TACC2: variants seen among roughly 807,000 people sequenced by gnomAD.
The protein encoded by TACC2 is transforming acidic coiled-coil-containing protein 2.
TACC2 carries 137 observed loss-of-function variants against 227.3 expected under a neutral mutation model. That is an observed-to-expected ratio of 0.60 (90% CI 0.52 to 0.69). The LOEUF (loss-of-function observed/expected upper bound fraction) is 0.69, where lower values mean the gene tolerates loss of function less well. Ranked by LOEUF, TACC2 falls within the 30% of genes least tolerant of loss-of-function variation. The probability of loss-of-function intolerance (pLI) is 0.00; values close to 1 mark genes in which losing one functional copy is unlikely to be tolerated. For missense variants in TACC2, 3,470 were observed against 3,694.4 expected, an observed-to-expected ratio of 0.94 and a Z score of 1.57; for synonymous variants, 1,523 against 1,487.5, an observed-to-expected ratio of 1.02 and a Z score of -0.55.
chr10:122,051,527 A>T (rs1270517797), intron 3 of TACC2: 1 of 151,960 alleles, frequency 6.6e-6, no homozygotes, highest in Non-Finnish European at 1.5e-5. Flanking sequence ...CGCTGGGGGC[A>T]CTTAATAACT....
chr10:122,022,132 T>A (rs1325244583), intron 2 of TACC2, 118 bp downstream of exon 2: 1 of 974,088 alleles, frequency 1.0e-6, no homozygotes, highest in Non-Finnish European at 1.6e-6. Flanking sequence ...AGCTTCTGCG[T>A]AGATGTGTGC....
intron 3 of TACC2, among the ~76,000 whole-genome samples, chr10:122,059,047 T>C (rs9794179): frequency 0.2 from 28,832 of 140,704 alleles, 2,976 homozygotes; most frequent in East Asian, 0.36. Context: ...CGCCTGCCAC[T>C]ACGCCTGGCT....
At chr10:122,249,689 C>T (rs1434930773) in intron 22 of TACC2, 25 bp downstream of exon 22, 4 of 1,600,300 alleles carry the variant, frequency 2.5e-6, no homozygotes, top group East Asian at 2.2e-5. Context: ...GTGTGGCCTC[C>T]AGGTGGGCCG....
intron 6 of TACC2, among the ~76,000 whole-genome samples, chr10:122,136,855 A>C (rs921552037): frequency 6.6e-6 from 1 of 152,084 alleles, no homozygotes; most frequent in African/African-American, 2.4e-5. Flanking sequence ...AACCCAGCAG[A>C]ATTTTTTTTA....
chr10:122,022,030 C>G lies in TACC2; in HGVS notation c.33+16C>G. 1.2e-6 allele frequency: 2 copies of G among 1,614,018 alleles called. No homozygotes were observed. The highest frequency in any genetic ancestry group is 2.7e-5 in the African/African-American group (2 of 75,020). On this transcript the variant is annotated intron_variant, in intron 2 of 22. Coordinates refer to ENST00000369005, the MANE Select transcript of TACC2 (RefSeq NM_206862.4). ...GGACAACCAGGTGGGTGTCAGGAAG[C>G]TTCTCTCTCGAGCTACGTGGTGCTC...
At position 122,070,117 on chromosome 10, in the gene TACC2, TTCA is replaced by T. The variant is rs201701909; in HGVS notation, c.147-12526_147-12524del. On this transcript the variant is annotated intron_variant, in intron 3 of 22. Transcript: ENST00000369005. Reference sequence around the variant, plus strand: ...GAGGATTTATTCTAAAAAGAAACCCTTCATCACATTTTTGAGCTCAGGACATAA... The same window carrying T: ...GAGGATTTATTCTAAAAAGAAACCCTTCACATTTTTGAGCTCAGGACATAA... 2.0e-4 allele frequency among the ~76,000 whole-genome samples: 30 copies of T among 152,286 alleles called. 1 individual carries two copies. In the East Asian group the frequency reaches 4.6e-3, roughly 23 times the overall value.
chr10:122,032,903 G>C (rs1419484718), intron 2 of TACC2, among the ~76,000 whole-genome samples: 1 of 151,996 alleles, frequency 6.6e-6, no homozygotes, highest in East Asian at 1.9e-4. Context: ...AGTTTGTAGT[G>C]AGCTGAGACT....
chr10:122,241,689 A>C, intron 18 of TACC2: 1 of 520,562 alleles, frequency 1.9e-6, no homozygotes, highest in East Asian at 3.1e-5. Context: ...CAGCCTTCTC[A>C]ATACCTGGGA....
chr10:122,164,100 T>C, intron 7 of TACC2: 3 of 1,330,826 alleles, frequency 2.3e-6, no homozygotes, highest in South Asian at 1.3e-5. Flanking sequence ...GAGCCCAGGC[T>C]GGCCTGGGGT....
Position 122,100,067 on chromosome 10 carries a change from C to T in TACC2, c.5573+11476C>T, listed in dbSNP as rs541285526. 7.7e-3 allele frequency among the ~76,000 whole-genome samples: 1,172 copies of T among 152,184 alleles called. 9 individuals are homozygous for T. Among genetic ancestry groups the T allele is most frequent in the Non-Finnish European group, 0.013 (890 of 68,016 alleles). On this transcript the variant is annotated intron_variant, in intron 5 of 22. Transcript: ENST00000369005. ...ATCACCTGAGGTCAGGAGTTTGAGA[C>T]CAGCCTGGCCAACAAGGCGAAACTC...
At chr10:122,154,860 G>A (rs988911859) in intron 7 of TACC2, among the ~76,000 whole-genome samples, 1 of 152,208 alleles carries the variant, frequency 6.6e-6, no homozygotes, top group Non-Finnish European at 1.5e-5. Context: ...GCTATCAATA[G>A]ATGCTCACGG....
intron 9 of TACC2, chr10:122,213,410 C>T (rs1185469483): frequency 6.2e-7 from 1 of 1,607,942 alleles, no homozygotes; most frequent in Non-Finnish European, 8.5e-7. Flanking sequence ...GCCTCTTATG[C>T]CAAATGTGCT....
intron 19 of TACC2, chr10:122,244,986 C>G (rs1218279360): frequency 6.6e-6 from 1 of 152,174 alleles, no homozygotes; most frequent in African/African-American, 2.4e-5. Context: ...TTTTTTTCTG[C>G]TTTTCTAACA....
At chr10:122,236,039 G>A (rs1434138472) in intron 16 of TACC2, among the ~76,000 whole-genome samples, 2 of 152,130 alleles carry the variant, frequency 1.3e-5, no homozygotes, top group Non-Finnish European at 1.5e-5. Context: ...CTAACTAACC[G>A]GTCCTAACTC....
At chr10:122,202,878 C>T (rs1202147064) in intron 8 of TACC2, among the ~76,000 whole-genome samples, 3 of 151,032 alleles carry the variant, frequency 2.0e-5, no homozygotes, top group East Asian at 3.9e-4. Flanking sequence ...AGCATGCTGC[C>T]TTCAAGCATC....
At chr10:122,226,611 T>A in intron 13 of TACC2, 130 bp downstream of exon 13, 1 of 663,772 alleles carries the variant, frequency 1.5e-6, no homozygotes, top group South Asian at 2.0e-5. Flanking sequence ...CATATTTTTT[T>A]TTTTTTTAAT....
chr10:122,125,900 C>T (rs973114615), intron 5 of TACC2, among the ~76,000 whole-genome samples: 1 of 151,810 alleles, frequency 6.6e-6, no homozygotes, highest in African/African-American at 2.4e-5. Context: ...CCTCAGCCTC[C>T]CGAGTAGCTG....
rs763989975 is a variant in TACC2 at position 122,229,354 on chromosome 10, C to T, written c.7905C>T (p.Pro2635=). 24 of 1,613,898 alleles carry T rather than the reference C, an allele frequency of 1.5e-5. No homozygotes were observed. Among genetic ancestry groups the T allele is most frequent in the African/African-American group, 1.5e-4 (11 of 74,868 alleles). Residue 2635 remains proline (P), a synonymous_variant, in exon 15 of 23, where the codon CCC becomes CCT. Transcript: ENST00000369005. The stretch of plus-strand genomic sequence containing the variant: ...TCTCTGCCGGCTTTCAGACAGCTCC[C>T]GAGGGCTCCTTTGCCTCTGCTGACG... ...TPSEAIEITA[P]EGSFASADAL...
At chr10:122,051,013 A>AAACCAACTGTGG (rs2075611694) in intron 3 of TACC2, 1 of 161,794 alleles carries the variant, frequency 6.2e-6, no homozygotes, top group Admixed American at 6.0e-5. Context: ...TGAATCCCAG[A>AAACCAACTGTGG]AACCAACTGT....
Sources: gnomAD v4.1 joint callset for allele counts (sites outside exome capture counted in the v4.1 genomes callset) on GRCh38, gnomAD v4.1.1 for gene constraint, MANE v1.5 for transcripts, NCBI Gene and HGNC (gene_info 2026-07-23, HGNC 2026-07-21) for gene names.